SEC61A1: variants seen among roughly 807,000 people sequenced by gnomAD.
The protein encoded by SEC61A1 is protein transport protein Sec61 subunit alpha isoform 1.
Under a neutral mutation model 55.2 loss-of-function variants are expected in SEC61A1, and 15 were observed. The observed-to-expected ratio is 0.27, with a 90% confidence interval of 0.18 to 0.42. The LOEUF (loss-of-function observed/expected upper bound fraction) is 0.42. Ranked by LOEUF, SEC61A1 falls within the 10% of genes least tolerant of loss-of-function variation. The pLI, the probability that SEC61A1 is intolerant of heterozygous loss-of-function variation, is 1.00. For synonymous variants in SEC61A1, 247 were observed against 234.0 expected, an observed-to-expected ratio of 1.06 and a Z score of -0.51; for missense variants, 284 against 602.6, an observed-to-expected ratio of 0.47 and a Z score of 5.53.
chr3:128,063,628 C>G (rs1009527479), intron 7 of SEC61A1, among the ~76,000 whole-genome samples: 5 of 152,200 alleles, frequency 3.3e-5, no homozygotes, highest in Non-Finnish European at 7.3e-5. Context: ...AGCCACCACG[C>G]CCGACTCCTA....
intron 5 of SEC61A1, among the ~76,000 whole-genome samples, chr3:128,058,755 A>G (rs141906137): frequency 1.9e-4 from 29 of 152,284 alleles, no homozygotes; most frequent in African/African-American, 6.7e-4. Context: ...AGTTCTAGCT[A>G]CTAGGGAGGC....
Position 128,067,262 on chromosome 3 carries a change from T to C in SEC61A1, c.975+111T>C, listed in dbSNP as rs1217005865. The C allele has an allele frequency of 7.5e-7, 1 of 1,327,032 alleles. No homozygotes were observed. Among genetic ancestry groups the C allele is most frequent in the African/African-American group, 1.5e-5 (1 of 68,352 alleles). The allele number at this position is 1,327,032 out of a possible 1,614,324, so 82.2% of individuals were successfully genotyped here. A position where few individuals can be genotyped will look rare whatever the true frequency, so the allele number is the denominator to read the frequency against. On this transcript the variant is annotated intron_variant, in intron 9 of 11. Transcript: ENST00000243253. The surrounding 1 kb of genome is among the most constrained non-coding windows in gnomAD (Gnocchi z 4.1). The stretch of plus-strand genomic sequence containing the variant: ...ATCCAAAGATATTTTCCATTGTGCC[T>C]TTTACAAATTCAGCACATTAAATTA...
In SEC61A1 at chr3:128,067,609, A is replaced by G; in HGVS notation, c.1164A>G (p.Lys388=). ...TWIEVSGSSA[K]DVAKQLKEQQ... ...TTGAGGTCTCAGGTTCCTCTGCCAA[A>G]GATGTAAGTAGAAGCAAAACTTTCT... Residue 388 remains lysine (K), a synonymous_variant, in exon 10 of 12, where the codon AAA becomes AAG. Transcript: ENST00000243253. This position sits in a 1 kb window ranked among gnomAD's most constrained non-coding sequence, Gnocchi z 4.1. 1.9e-6 allele frequency: 3 copies of G among 1,607,694 alleles called. No individual in the cohort carries two copies. Among genetic ancestry groups the G allele is most frequent in the Non-Finnish European group, 2.5e-6 (3 of 1,176,508 alleles).
intron 8 of SEC61A1, among the ~76,000 whole-genome samples, chr3:128,066,391 T>G (rs1438581672): frequency 1.3e-5 from 2 of 150,572 alleles, no homozygotes; most frequent in African/African-American, 4.9e-5. Flanking sequence ...AAAAAAAAAG[T>G]GGGGGTGGGG....
chr3:128,066,856 C>A, intron 8 of SEC61A1, 98 bp from the exon 9 acceptor site: 1 of 1,161,788 alleles, frequency 8.6e-7, no homozygotes, highest in Non-Finnish European at 1.3e-6. Flanking sequence ...GGATTTCCTC[C>A]CTTGTGGCCC....
intron 5 of SEC61A1, among the ~76,000 whole-genome samples, chr3:128,057,169 T>A (rs1425425609): frequency 6.6e-6 from 1 of 152,222 alleles, no homozygotes; most frequent in Non-Finnish European, 1.5e-5. Context: ...CCTGATCTTG[T>A]GATCCACCCG....
At chr3:128,055,778 T>C (rs772638576) in intron 4 of SEC61A1, 27 bp downstream of exon 4, 25 of 1,565,256 alleles carry the variant, frequency 1.6e-5, no homozygotes, top group Non-Finnish European at 2.2e-5. Flanking sequence ...GTCTTTTCTC[T>C]GTAGAGTGTA....
In SEC61A1 at chr3:128,067,192, G is replaced by A; in HGVS notation, c.975+41G>A. On this transcript the variant is annotated intron_variant, in intron 9 of 11. Transcript: ENST00000243253. The surrounding 1 kb of genome is among the most constrained non-coding windows in gnomAD (Gnocchi z 4.1). ...GAAGATGAGCTAGCAATGCAGCTAA[G>A]TTGCAGTGGTTTCTATCAGTGTCTT... 1 of 1,558,512 alleles carries A rather than the reference G, an allele frequency of 6.4e-7. No homozygotes were observed. Among genetic ancestry groups the A allele is most frequent in the South Asian group, 1.1e-5 (1 of 89,966 alleles).
chr3:128,064,700 C>A lies in SEC61A1; in HGVS notation c.617-177C>A, dbSNP rs1191392423. The A allele has an allele frequency of 1.2e-5, 7 of 598,248 alleles. No homozygotes were observed. The East Asian group carries it at 1.4e-4, about 12-fold the overall frequency. The allele number at this position is 598,248 out of a possible 1,614,324, so 37.1% of individuals were successfully genotyped here. A position where few individuals can be genotyped will look rare whatever the true frequency, so the allele number is the denominator to read the frequency against. On this transcript the variant is annotated intron_variant, in intron 7 of 11. Transcript: ENST00000243253. Reference sequence around the variant, plus strand: ...ATAGCCCGTTTCTGTAGTTTGAATTCTCTACAGAAGAGAAGGGAGGGATGA... The same window carrying A: ...ATAGCCCGTTTCTGTAGTTTGAATTATCTACAGAAGAGAAGGGAGGGATGA...
intron 2 of SEC61A1, among the ~76,000 whole-genome samples, chr3:128,053,827 A>G (rs890638907): frequency 2.6e-5 from 4 of 152,244 alleles, no homozygotes; most frequent in Non-Finnish European, 5.9e-5. Context: ...TCAGTGTGGT[A>G]GACGGAACAA....
At chr3:128,069,367 G>C (rs1942084228) in intron 11 of SEC61A1, 109 bp from the exon 12 acceptor site, 10 of 1,006,620 alleles carry the variant, frequency 9.9e-6, no homozygotes, top group Non-Finnish European at 1.3e-5. Flanking sequence ...GGAGACAGCA[G>C]AGGGGCCTTT....
intron 1 of SEC61A1, 62 bp from the exon 2 acceptor site, chr3:128,052,773 G>A (rs1194770297): frequency 6.4e-7 from 1 of 1,551,396 alleles, no homozygotes; most frequent in African/African-American, 1.4e-5. Flanking sequence ...GGCGTCCCTG[G>A]GTAGCGCGGA....
rs142087369 is a variant in SEC61A1, at chr3:128,067,366, G to A, written c.976-55G>A. The A allele has an allele frequency of 3.9e-4, 603 of 1,548,642 alleles. 4 individuals carry two copies. In the African/African-American group the frequency reaches 7.0e-3, roughly 18 times the overall value. Reference sequence around the variant, plus strand: ...ATCTGCTCAGAACTATTTTTGCCTTGATGCTAAAGTAAAATGAAGGAGCAC... The same window carrying A: ...ATCTGCTCAGAACTATTTTTGCCTTAATGCTAAAGTAAAATGAAGGAGCAC... On this transcript the variant is annotated intron_variant, in intron 9 of 11. Coordinates refer to ENST00000243253, the MANE Select transcript of SEC61A1 (RefSeq NM_013336.4). The surrounding 1 kb of genome is among the most constrained non-coding windows in gnomAD (Gnocchi z 4.1).
chr3:128,064,769 C>G, intron 7 of SEC61A1, 108 bp from the exon 8 acceptor site: 1 of 922,436 alleles, frequency 1.1e-6, no homozygotes, highest in Non-Finnish European at 1.6e-6. Context: ...CACCATGAGT[C>G]TAATAACTTA....
intron 1 of SEC61A1, 102 bp from the exon 2 acceptor site, chr3:128,052,733 G>C: frequency 6.7e-7 from 1 of 1,494,550 alleles, no homozygotes. Context: ...CGGCTCCCCT[G>C]GCCCCTGCTC....
upstream of SEC61A1, chr3:128,052,387 C>G (rs1295505160): frequency 1.7e-6 from 2 of 1,174,852 alleles, no homozygotes; most frequent in Non-Finnish European, 2.1e-6. Flanking sequence ...GAGGCCCGGC[C>G]CCGGCCCCGC....
intron 7 of SEC61A1, among the ~76,000 whole-genome samples, chr3:128,061,313 A>G (rs1025985441): frequency 6.6e-6 from 1 of 152,234 alleles, no homozygotes; most frequent in Non-Finnish European, 1.5e-5. Flanking sequence ...GCTGTGCTAC[A>G]TCCACCAAGT....
At position 128,067,662 on chromosome 3, in the gene SEC61A1, TA is replaced by T; in HGVS notation, c.1167+52del. ...AAGGGTGATGAAAGTGTGACTGGTA[TA>T]AGGGGTGTGGACTTGTCACCTCATC... On this transcript the variant is annotated intron_variant, in intron 10 of 11. Transcript: ENST00000243253. This position sits in a 1 kb window ranked among gnomAD's most constrained non-coding sequence, Gnocchi z 4.1. 2 of 1,433,732 alleles carry T rather than the reference TA, an allele frequency of 1.4e-6. No individual in the cohort carries two copies. The highest frequency in any genetic ancestry group is 1.9e-6 in the Non-Finnish European group (2 of 1,033,362). 88.8% of individuals were successfully genotyped at this position (1,433,732 alleles called of 1,614,324 possible).
Position 128,060,681 on chromosome 3 carries a change from C to T in SEC61A1, c.616+20C>T. On this transcript the variant is annotated intron_variant, in intron 7 of 11. Transcript: ENST00000243253. ...GCCGAGGTAAGGGCCCTGTGCTCCC[C>T]TGGTGGCGACAGCTTTCAGCAAAAA... 1 of 1,605,820 alleles carries T rather than the reference C, an allele frequency of 6.2e-7. No individual in the cohort carries two copies. Among genetic ancestry groups the T allele is most frequent in the Non-Finnish European group, 8.5e-7 (1 of 1,176,578 alleles).
Sources: allele counts gnomAD v4.1 joint callset (sites outside exome capture counted in the v4.1 genomes callset), GRCh38; gene constraint gnomAD v4.1.1; non-coding constraint Gnocchi (gnomAD v3.1); transcripts MANE v1.5; gene names NCBI Gene and HGNC (gene_info 2026-07-23, HGNC 2026-07-21).